The following KRABD4 variants were observed in gnomAD, a reference collection of about 807,000 sequenced individuals.
KRABD4 encodes the protein KRAB domain containing 4, also known as KRAB domain-containing protein 4.
At chrX:46,462,962 ATGAGTGTGGGTTACCACCCTCAG>A in the KRABD4 span, 1 of 1,155,705 alleles carries the variant, frequency 8.7e-7, no homozygotes, top group African/African-American at 1.8e-5. Context: ...CCTAGGAACA[ATGAGTGTGGGTTACCACCCTCAG>A]TGAGTTTGGG....
chrX:46,458,305 A>G, the KRABD4 span, among the ~76,000 whole-genome samples: 1 of 112,352 alleles, frequency 8.9e-6, no homozygotes, highest in Non-Finnish European at 1.9e-5. Context: ...TAGAAAAAAC[A>G]CCAAAGAAGT....
At chrX:46,461,990 G>A in the KRABD4 span, among the ~76,000 whole-genome samples, 2 of 111,059 alleles carry the variant, frequency 1.8e-5, no homozygotes, top group Non-Finnish European at 3.8e-5. Context: ...CTAAACTGAA[G>A]CTCCTTGAGT....
At chrX:46,464,497 C>T in the KRABD4 span, among the ~76,000 whole-genome samples, 1 of 112,333 alleles carries the variant, frequency 8.9e-6, no homozygotes, top group Admixed American at 9.4e-5. Flanking sequence ...ACAGGTGACT[C>T]CTCAGATGGC....
At chrX:46,462,635 A>C in the KRABD4 span, 1 of 1,178,675 alleles carries the variant, frequency 8.5e-7, no homozygotes, top group Non-Finnish European at 1.1e-6. Flanking sequence ...CACGCTCTTC[A>C]TCTGTCAAGT....
At chrX:46,456,993 A>T in the KRABD4 span, 1 of 273,680 alleles carries the variant, frequency 3.7e-6, no homozygotes, top group East Asian at 6.9e-5. Context: ...CATGCCAGTA[A>T]GTGGAGTTTA....
the KRABD4 span, among the ~76,000 whole-genome samples, chrX:46,449,149 C>G: frequency 8.9e-6 from 1 of 112,125 alleles, no homozygotes; most frequent in African/African-American, 3.2e-5. Context: ...GAAGGAGGAG[C>G]CTGGTAATCA....
At chrX:46,461,585 G>A in the KRABD4 span, among the ~76,000 whole-genome samples, 1 of 111,756 alleles carries the variant, frequency 8.9e-6, no homozygotes, top group Non-Finnish European at 1.9e-5. Context: ...GCCACCAAGT[G>A]TGGGCGTGAC....
At chrX:46,462,856 A>G in the KRABD4 span, 1 of 1,211,878 alleles carries the variant, frequency 8.3e-7, no homozygotes, top group Non-Finnish European at 1.1e-6. Context: ...TGAGAACTAC[A>G]GCCACCTGGT....
At chrX:46,469,893 T>A in the KRABD4 span, among the ~76,000 whole-genome samples, 504 of 111,396 alleles carry the variant, frequency 4.5e-3, 1 homozygote, top group African/African-American at 0.016. Flanking sequence ...TTTCTGAAAG[T>A]TTTTTTTATT....
the KRABD4 span, among the ~76,000 whole-genome samples, chrX:46,470,032 TTCTGTTC>T: frequency 9.0e-6 from 1 of 111,634 alleles, no homozygotes; most frequent in South Asian, 3.7e-4. Flanking sequence ...TTTATTTATT[TTCTGTTC>T]ATCCCCCCAA....
the KRABD4 span, chrX:46,473,533 G>A: frequency 1.6e-6 from 1 of 643,479 alleles, no homozygotes; most frequent in Non-Finnish European, 2.3e-6. Flanking sequence ...ATCTTTTAGT[G>A]TTAAATCAAC....
the KRABD4 span, chrX:46,463,194 A>G: frequency 8.3e-7 from 1 of 1,208,951 alleles, no homozygotes; most frequent in South Asian, 1.8e-5. Context: ...TTTCCCCCGA[A>G]CAGGGTATCT....
the KRABD4 span, among the ~76,000 whole-genome samples, chrX:46,460,090 G>A: frequency 8.9e-6 from 1 of 112,087 alleles, no homozygotes; most frequent in Non-Finnish European, 1.9e-5. Flanking sequence ...TAATTTGCTA[G>A]AGTGAGTTTC....
the KRABD4 span, among the ~76,000 whole-genome samples, chrX:46,464,865 A>G: frequency 8.9e-6 from 1 of 112,114 alleles, no homozygotes; most frequent in African/African-American, 3.2e-5. Context: ...TATTCAGTCT[A>G]AGAGTGCAGA....
the KRABD4 span, among the ~76,000 whole-genome samples, chrX:46,458,802 A>G: frequency 2.8e-4 from 31 of 111,976 alleles, no homozygotes; most frequent in African/African-American, 9.4e-4. Context: ...TGAGAATCCA[A>G]TAATGGTAGA....
At chrX:46,470,241 A>G in the KRABD4 span, among the ~76,000 whole-genome samples, 1 of 111,417 alleles carries the variant, frequency 9.0e-6, no homozygotes, top group East Asian at 2.8e-4. Flanking sequence ...GAAAAACTAT[A>G]CTACAAATCA....
At chrX:46,457,635 T>G in the KRABD4 span, among the ~76,000 whole-genome samples, 4,206 of 108,101 alleles carry the variant, frequency 0.039, 206 homozygotes, top group African/African-American at 0.14. Context: ...TTTTTTTTTT[T>G]TTTTTTTTTT....
At chrX:46,466,747 T>C in the KRABD4 span, among the ~76,000 whole-genome samples, 3 of 112,726 alleles carry the variant, frequency 2.7e-5, no homozygotes, top group East Asian at 8.3e-4. Flanking sequence ...TCCTTTTATT[T>C]TTTCAAATGA....
At chrX:46,463,738 CT>C in the KRABD4 span, among the ~76,000 whole-genome samples, 3,263 of 104,528 alleles carry the variant, frequency 0.031, 115 homozygotes, top group African/African-American at 0.1. Flanking sequence ...GAAATTTGGC[CT>C]TTTTTTTTTA....
Sources: allele counts gnomAD v4.1 joint callset (sites outside exome capture counted in the v4.1 genomes callset), GRCh38; gene constraint gnomAD v4.1.1; transcripts MANE v1.5; gene names NCBI Gene and HGNC (gene_info 2026-07-23, HGNC 2026-07-21).